The following AKAP9 variants were observed in gnomAD, a reference collection of about 807,000 sequenced individuals.
The protein encoded by AKAP9 is A-kinase anchoring protein 9, also known as A-kinase anchor protein 9.
Under a neutral mutation model 488.5 loss-of-function variants are expected in AKAP9, and 311 were observed. The observed-to-expected ratio is 0.64, with a 90% CI of 0.58 to 0.70. The LOEUF is 0.70. Ranked by LOEUF, AKAP9 falls within the 30% of genes least tolerant of loss-of-function variation. AKAP9 has a pLI of 0.00. For synonymous variants in AKAP9, 1,462 were observed against 1,483.5 expected, an observed-to-expected ratio of 0.99 and a Z score of 0.33; for missense variants, 4,215 against 4,374.5, an observed-to-expected ratio of 0.96 and a Z score of 1.03.
At chr7:92,026,459 C>A (rs1281693068) in intron 14 of AKAP9, among the ~76,000 whole-genome samples, 1 of 152,136 alleles carries the variant, frequency 6.6e-6, no homozygotes, top group African/African-American at 2.4e-5. Flanking sequence ...CTCGGCCTGC[C>A]TAGTGCCTGG....
intron 38 of AKAP9, among the ~76,000 whole-genome samples, chr7:92,091,069 T>C (rs1009501443): frequency 6.6e-6 from 1 of 152,224 alleles, no homozygotes; most frequent in Non-Finnish European, 1.5e-5. Context: ...GTTGGATTTT[T>C]ATTTTTGTGA....
chr7:91,962,587 T>C (rs1001860250), intron 1 of AKAP9, among the ~76,000 whole-genome samples: 1 of 152,170 alleles, frequency 6.6e-6, no homozygotes, highest in African/African-American at 2.4e-5. Flanking sequence ...TTTGTATATA[T>C]AGCAGAGAAC....
chr7:92,001,739 A>C lies in AKAP9; in HGVS notation c.1822A>C (p.Asn608His), dbSNP rs1298263409. Reference protein sequence around the residue: ...IKLEMLEKEKNAVLDRMAESQ... With the variant: ...IKLEMLEKEKHAVLDRMAESQ... ...ACTTGAAATGTTAGAAAAAGAAAAG[A>C]ATGCTGTGTTAGACAGAATGGCTGA... The change falls in exon 8 of 50, where the codon AAT becomes CAT. Residue 608 changes from asparagine to histidine, a missense_variant. This residue lies in a region of AKAP9 where 2,361 missense variants were observed against 2,430.0 expected (regional missense o/e 0.97). Coordinates refer to ENST00000356239, the MANE Select transcript of AKAP9 (RefSeq NM_005751.5). 3 of 1,613,112 alleles carry C rather than the reference A, an allele frequency of 1.9e-6. No homozygotes were observed. The East Asian group carries it at 6.7e-5, about 36-fold the overall frequency.
rs781772492 is a variant in AKAP9 at position 92,002,889 on chromosome 7, C to T, written c.2972C>T (p.Ser991Leu). The T allele has an allele frequency of 9.9e-6, 16 of 1,612,672 alleles. No individual in the cohort carries two copies. Among genetic ancestry groups the T allele is most frequent in the Non-Finnish European group, 1.4e-5 (16 of 1,179,392 alleles). ...KSLKQEKEQV[S>L]LRCRELEIII... ...TTAAAGCAAGAGAAAGAACAAGTTT[C>T]ATTGAGATGTAGAGAGCTAGAAATC... Residue 991 changes from serine to leucine, a missense_variant, in exon 8 of 50, where the codon TCA becomes TTA. By Grantham distance (145) the Ser-to-Leu change is moderately radical (BLOSUM62 -2). Around this residue, in one of 5 missense-constraint regions of AKAP9, gnomAD observed 2,361 missense variants for 2,430.0 expected, o/e 0.97. Transcript: ENST00000356239.
At chr7:92,089,810 G>T (rs1815238480) in intron 38 of AKAP9, 1 of 225,294 alleles carries the variant, frequency 4.4e-6, no homozygotes, top group African/African-American at 2.3e-5. Flanking sequence ...TGTATGTTAA[G>T]AAAACAGTCT....
chr7:92,034,496 ATAT>A lies in AKAP9; in HGVS notation c.4338+2894_4338+2896del, dbSNP rs1339497217. Among the ~76,000 whole-genome samples, 374 of 104,252 alleles carry A rather than the reference ATAT, an allele frequency of 3.6e-3. 1 individual carries two copies. Among genetic ancestry groups the A allele is most frequent in the African/African-American group, 0.014 (351 of 25,422 alleles). 68.4% of individuals were successfully genotyped at this position (104,252 alleles called of 152,430 possible). A position where few individuals can be genotyped will look rare whatever the true frequency, so the allele number is the denominator to read the frequency against. On this transcript the variant is annotated intron_variant, in intron 16 of 49. Transcript: ENST00000356239. Reference sequence around the variant, plus strand: ...TGTATATATCTATATATATATATATATATTTTTTTTTTTTTTTTTTTTTGAGAT... The same window carrying A: ...TGTATATATCTATATATATATATATATTTTTTTTTTTTTTTTTTTTGAGAT...
Position 92,020,328 on chromosome 7 carries a change from G to T in AKAP9, c.3838-1910G>T, listed in dbSNP as rs369765719. Among the ~76,000 whole-genome samples the T allele has an allele frequency of 3.3e-5, 5 of 152,210 alleles. 1 individual carries two copies. On this transcript the variant is annotated intron_variant, in intron 12 of 49. Transcript: ENST00000356239. ...GGCTTCTTTGCATGCTGCCCTTTCTGCATAATACTGCCCATCCCCTCCCAG... is the reference window on the plus strand; with the variant it reads ...GGCTTCTTTGCATGCTGCCCTTTCTTCATAATACTGCCCATCCCCTCCCAG...
At chr7:92,026,346 C>T (rs28637107) in intron 14 of AKAP9, among the ~76,000 whole-genome samples, 1 of 151,960 alleles carries the variant, frequency 6.6e-6, no homozygotes, top group Non-Finnish European at 1.5e-5. Context: ...CTTCTCTCTT[C>T]TCTCTCTTTC....
intron 21 of AKAP9, among the ~76,000 whole-genome samples, chr7:92,049,502 T>G (rs1011444838): frequency 1.3e-5 from 2 of 152,008 alleles, no homozygotes; most frequent in African/African-American, 2.4e-5. Context: ...TCCCAGCTAC[T>G]TGGGAGGCTA....
intron 3 of AKAP9, among the ~76,000 whole-genome samples, chr7:91,986,945 T>A (rs1258026923): frequency 1.3e-5 from 2 of 151,660 alleles, no homozygotes; most frequent in Non-Finnish European, 2.9e-5. Context: ...TATATATGAA[T>A]AAATATATAC....
At chr7:92,019,735 T>A (rs959593195) in intron 12 of AKAP9, among the ~76,000 whole-genome samples, 39 of 151,946 alleles carry the variant, frequency 2.6e-4, no homozygotes, top group African/African-American at 8.9e-4. Flanking sequence ...AGGCCGGGCA[T>A]GGTGGCTCAT....
chr7:92,089,618 T>TA (rs745775514), intron 38 of AKAP9, 89 bp downstream of exon 38: 1 of 1,367,680 alleles, frequency 7.3e-7, no homozygotes, highest in Non-Finnish European at 1.0e-6. Flanking sequence ...AGTTAAAACA[T>TA]ATTTTCTTGG....
In AKAP9 at chr7:92,005,686, G is replaced by A. The variant is rs193132755; in HGVS notation, c.3318+2451G>A. 3.5e-3 allele frequency among the ~76,000 whole-genome samples: 538 copies of A among 152,132 alleles called. 9 individuals are homozygous for A. Among genetic ancestry groups the A allele is most frequent in the Non-Finnish European group, 3.0e-3 (206 of 67,996 alleles). On this transcript the variant is annotated intron_variant, in intron 8 of 49. Transcript: ENST00000356239. ...GATTTTTTTGTTTGTTTGTTTTTGA[G>A]ACCGAGTCTCACTCTGTCACCCGGG...
chr7:91,993,899 C>T (rs1323360548), intron 5 of AKAP9, among the ~76,000 whole-genome samples: 1 of 152,308 alleles, frequency 6.6e-6, no homozygotes, highest in Admixed American at 6.5e-5. Flanking sequence ...GAGGCTGAGG[C>T]AAGAGGATAG....
In AKAP9 at chr7:92,089,671, A is replaced by G. The variant is rs745541380; in HGVS notation, c.9358+142A>G. 3 of 961,160 alleles carry G rather than the reference A, an allele frequency of 3.1e-6. No homozygotes were observed. In the South Asian group the frequency reaches 4.4e-5, roughly 14 times the overall value. 59.5% of individuals were successfully genotyped at this position (961,160 alleles called of 1,614,324 possible). ...TCTCATAATGTTAAGGATACAATCT[A>G]TATTAATTACTCTAGGGGTTAGAGG... On this transcript the variant is annotated intron_variant, in intron 38 of 49. Transcript: ENST00000356239.
rs769537687 is a variant in AKAP9 at position 92,079,843 on chromosome 7, C to A, written c.7710C>A (p.Phe2570Leu). ...QLEAVQEYAK[F>L]CQDNQTISSE... ...AGGCAGTTCAGGAATATGCAAAATT[C>A]TGTCAAGATAATCAAACAATTTCAT... Residue 2570 changes from phenylalanine to leucine, a missense_variant, in exon 31 of 50, where the codon TTC (phenylalanine) becomes TTA (leucine). Coordinates refer to ENST00000356239, the MANE Select transcript of AKAP9 (RefSeq NM_005751.5). 3.1e-6 allele frequency: 5 copies of A among 1,614,036 alleles called. No individual in the cohort carries two copies. Among genetic ancestry groups the A allele is most frequent in the Middle Eastern group, 1.7e-4 (1 of 6,058 alleles).
At position 91,940,940 on chromosome 7, in the gene AKAP9, G is replaced by A. The variant is rs764753013; in HGVS notation, c.-160G>A. 313 of 769,588 alleles carry A rather than the reference G, an allele frequency of 4.1e-4. 1 individual carries two copies. Among genetic ancestry groups the A allele is most frequent in the Non-Finnish European group, 5.9e-4 (262 of 440,988 alleles). The allele number at this position is 769,588 out of a possible 1,614,324, so 47.7% of individuals were successfully genotyped here. On this transcript the variant is annotated 5_prime_UTR_variant, in exon 1 of 50. An upstream open reading frame in the 5' UTR loses its in-frame stop. Coordinates refer to ENST00000356239, the MANE Select transcript of AKAP9 (RefSeq NM_005751.5). The stretch of plus-strand genomic sequence containing the variant: ...GTGCGGCTGAGGACGATCCGCCAGT[G>A]AGCGCGGAGACTGCTTCCACTTCGG...
intron 24 of AKAP9, among the ~76,000 whole-genome samples, chr7:92,064,864 G>A (rs968624010): frequency 6.6e-6 from 1 of 152,028 alleles, no homozygotes; most frequent in African/African-American, 2.4e-5. Context: ...TGCCTGAGGT[G>A]AAGAAAACGG....
chr7:92,031,034 C>T (rs1457106811), intron 15 of AKAP9, among the ~76,000 whole-genome samples: 1 of 152,132 alleles, frequency 6.6e-6, no homozygotes, highest in Non-Finnish European at 1.5e-5. Flanking sequence ...ATACTGAGAA[C>T]ATATTTATGT....
Sources: allele counts gnomAD v4.1 joint callset (sites outside exome capture counted in the v4.1 genomes callset), GRCh38; gene constraint gnomAD v4.1.1; regional missense constraint gnomAD v4.1.1; transcripts MANE v1.5; gene names NCBI Gene and HGNC (gene_info 2026-07-23, HGNC 2026-07-21).